The following LINGO2 variants were observed in gnomAD, a reference collection of about 807,000 sequenced individuals.
LINGO2 encodes leucine-rich repeat and immunoglobulin-like domain-containing nogo receptor-interacting protein 2.
Under a neutral mutation model 30.6 loss-of-function variants are expected in LINGO2, and 14 were observed. The ratio of observed to expected loss-of-function variants is 0.46; its 90% CI spans 0.30 to 0.72. LINGO2 has a LOEUF of 0.72. Among genes scored for constraint, LINGO2 ranks in the 30% least tolerant of loss-of-function variants. LINGO2 has a pLI of 0.07. For synonymous variants in LINGO2, 317 were observed against 288.5 expected, an observed-to-expected ratio of 1.10 and a Z score of -1.00; for missense variants, 729 against 751.7, an observed-to-expected ratio of 0.97 and a Z score of 0.35.
At chr9:28,758,834 G>A in the LINGO2 span, among the ~76,000 whole-genome samples, 1 of 152,012 alleles carries the variant, frequency 6.6e-6, no homozygotes, top group South Asian at 2.1e-4. Flanking sequence ...ATGTAATAAC[G>A]ATAACTTACT....
downstream of LINGO2, among the ~76,000 whole-genome samples, chr9:27,945,996 A>AATC (rs1191821294): frequency 9.9e-5 from 15 of 152,174 alleles, no homozygotes; most frequent in African/African-American, 3.6e-4. Context: ...GCCAATTCAA[A>AATC]CAGTAATTTT....
At chr9:28,694,807 T>C in the LINGO2 span, among the ~76,000 whole-genome samples, 2 of 151,982 alleles carry the variant, frequency 1.3e-5, no homozygotes, top group Non-Finnish European at 2.9e-5. Context: ...GTGTAGCCCA[T>C]GTTCACATGT....
chr9:28,731,702 T>G, the LINGO2 span, among the ~76,000 whole-genome samples: 1 of 152,112 alleles, frequency 6.6e-6, no homozygotes, highest in African/African-American at 2.4e-5. Flanking sequence ...GTGATAAAAT[T>G]GTGTAGAATT....
the LINGO2 span, among the ~76,000 whole-genome samples, chr9:28,981,495 A>T: frequency 1.8e-3 from 269 of 152,174 alleles, 1 homozygote; most frequent in Middle Eastern, 0.02. Context: ...TGTTATGGTA[A>T]ACACTTTATT....
intron 3 of LINGO2, among the ~76,000 whole-genome samples, chr9:28,309,806 C>G (rs1824537994): frequency 6.6e-6 from 1 of 151,712 alleles, no homozygotes; most frequent in Admixed American, 6.6e-5. Flanking sequence ...ACTCTCAAAA[C>G]TTAATCATAT....
intron 1 of LINGO2, among the ~76,000 whole-genome samples, chr9:28,647,055 A>G (rs1827873599): frequency 6.6e-6 from 1 of 152,144 alleles, no homozygotes; most frequent in Non-Finnish European, 1.5e-5. Context: ...AAGACACCAC[A>G]GGTATCCCTT....
chr9:28,443,568 G>A (rs1824285112), intron 2 of LINGO2, among the ~76,000 whole-genome samples: 3 of 152,218 alleles, frequency 2.0e-5, no homozygotes, highest in Admixed American at 6.5e-5. Context: ...ACTTCCAGTG[G>A]CTGCTCCAAT....
intron 1 of LINGO2, among the ~76,000 whole-genome samples, chr9:28,526,515 T>C (rs1472125998): frequency 6.6e-6 from 1 of 152,184 alleles, no homozygotes; most frequent in African/African-American, 2.4e-5. Context: ...TACCCTATGA[T>C]AGCAAGATAA....
At chr9:28,096,315 A>G (rs573308384) in intron 4 of LINGO2, among the ~76,000 whole-genome samples, 1 of 152,196 alleles carries the variant, frequency 6.6e-6, no homozygotes, top group Non-Finnish European at 1.5e-5. Flanking sequence ...TTAATAATGC[A>G]TTAGACACAT....
chr9:28,121,130 A>G (rs1827083366), intron 4 of LINGO2, among the ~76,000 whole-genome samples: 1 of 152,174 alleles, frequency 6.6e-6, no homozygotes, highest in South Asian at 2.1e-4. Flanking sequence ...TTTGTGGCAG[A>G]AAAATACCAT....
chr9:28,887,559 T>C, the LINGO2 span, among the ~76,000 whole-genome samples: 4 of 152,058 alleles, frequency 2.6e-5, no homozygotes, highest in Non-Finnish European at 4.4e-5. Context: ...TATTGCATTC[T>C]AGTAAGATAA....
At chr9:28,510,419 G>C (rs147067895) in intron 1 of LINGO2, among the ~76,000 whole-genome samples, 1 of 151,984 alleles carries the variant, frequency 6.6e-6, no homozygotes, top group South Asian at 2.1e-4. Context: ...TCATAAGGAA[G>C]AGAAAATGCA....
chr9:28,994,918 A>G, the LINGO2 span, among the ~76,000 whole-genome samples: 3 of 152,238 alleles, frequency 2.0e-5, no homozygotes, highest in African/African-American at 7.2e-5. Flanking sequence ...TAAAAACCCT[A>G]GAAGAAAACC....
the LINGO2 span, among the ~76,000 whole-genome samples, chr9:28,702,455 T>G: frequency 6.6e-6 from 1 of 151,866 alleles, no homozygotes; most frequent in African/African-American, 2.4e-5. Context: ...TTACCTGGAA[T>G]AAATCCCACT....
intron 5 of LINGO2, among the ~76,000 whole-genome samples, chr9:27,965,027 A>C (rs929051627): frequency 6.6e-6 from 1 of 152,154 alleles, no homozygotes; most frequent in Non-Finnish European, 1.5e-5. Context: ...CACAAGAAAC[A>C]AAAGAGGATA....
chr9:28,354,851 A>G (rs1052516433), intron 3 of LINGO2, among the ~76,000 whole-genome samples: 1 of 152,184 alleles, frequency 6.6e-6, no homozygotes, highest in Non-Finnish European at 1.5e-5. Context: ...TGTTGTCAGC[A>G]GCTAAGAGCA....
chr9:28,814,775 C>A, the LINGO2 span, among the ~76,000 whole-genome samples: 77 of 151,350 alleles, frequency 5.1e-4, no homozygotes, highest in Non-Finnish European at 6.0e-4. Flanking sequence ...GTAATTCCAG[C>A]TACTCTCTCC....
chr9:28,954,606 A>G, the LINGO2 span, among the ~76,000 whole-genome samples: 1 of 152,200 alleles, frequency 6.6e-6, no homozygotes. Flanking sequence ...TTGCACCATC[A>G]TGGAAACTGT....
the LINGO2 span, among the ~76,000 whole-genome samples, chr9:29,017,983 T>C: frequency 4.4e-4 from 66 of 150,954 alleles, no homozygotes; most frequent in African/African-American, 1.6e-3. Context: ...CTTAGGTGCC[T>C]GCCCATCAAT....
Sources: gnomAD v4.1 joint callset for allele counts (sites outside exome capture counted in the v4.1 genomes callset) on GRCh38, gnomAD v4.1.1 for gene constraint, MANE v1.5 for transcripts, NCBI Gene and HGNC (gene_info 2026-07-23, HGNC 2026-07-21) for gene names.